CDH18: variants seen among roughly 807,000 people sequenced by gnomAD.
CDH18 encodes the protein cadherin-18.
In CDH18, 31 loss-of-function variants were observed where a neutral mutation model predicts 67.9. The observed-to-expected ratio is 0.46, with a 90% CI of 0.34 to 0.62. The LOEUF (loss-of-function observed/expected upper bound fraction) is 0.62. Ranked by LOEUF, CDH18 falls within the 20% of genes least tolerant of loss-of-function variation. The pLI is 0.01. For synonymous variants in CDH18, 362 were observed against 347.2 expected, an observed-to-expected ratio of 1.04 and a Z score of -0.48; for missense variants, 890 against 975.5, an observed-to-expected ratio of 0.91 and a Z score of 1.17.
chr5:20,301,977 T>C (rs1453280639), intron 1 of CDH18, among the ~76,000 whole-genome samples: 1 of 152,120 alleles, frequency 6.6e-6, no homozygotes, highest in Non-Finnish European at 1.5e-5. Flanking sequence ...ATAATGAAGA[T>C]GGCATAACAA....
intron 3 of CDH18, among the ~76,000 whole-genome samples, chr5:19,831,297 C>T (rs1051304474): frequency 5.9e-5 from 9 of 151,954 alleles, no homozygotes; most frequent in Non-Finnish European, 1.3e-4. Flanking sequence ...AGAGCTTCTG[C>T]ACAACAAAAG....
intron 1 of CDH18, among the ~76,000 whole-genome samples, chr5:20,256,913 A>C (rs889134516): frequency 2.1e-5 from 3 of 141,378 alleles, no homozygotes; most frequent in African/African-American, 8.7e-5. Context: ...GAGAAAAACG[A>C]GATTTGTAGT....
chr5:19,658,241 T>G (rs570767877), intron 5 of CDH18, among the ~76,000 whole-genome samples: 1 of 152,134 alleles, frequency 6.6e-6, no homozygotes, highest in Non-Finnish European at 1.5e-5. Context: ...AAGACAATGA[T>G]CTTTCCTTCA....
chr5:19,663,731 TG>T (rs781696634), intron 5 of CDH18, among the ~76,000 whole-genome samples: 72 of 151,968 alleles, frequency 4.7e-4, no homozygotes, highest in Non-Finnish European at 9.6e-4. Context: ...TCAACTTATT[TG>T]ACTAGTGTAC....
At chr5:20,392,469 A>G (rs1744942666) in intron 1 of CDH18, among the ~76,000 whole-genome samples, 1 of 151,872 alleles carries the variant, frequency 6.6e-6, no homozygotes, top group African/African-American at 2.4e-5. Flanking sequence ...CATGCTTGAG[A>G]ACTCAATTCA....
intron 5 of CDH18, among the ~76,000 whole-genome samples, chr5:19,717,861 G>A (rs897371987): frequency 4.0e-5 from 6 of 151,714 alleles, no homozygotes; most frequent in African/African-American, 1.2e-4. Context: ...TTTTATCATC[G>A]TAGGCCCCTG....
chr5:20,422,828 C>T (rs1047955290), intron 1 of CDH18, among the ~76,000 whole-genome samples: 1 of 151,016 alleles, frequency 6.6e-6, no homozygotes, highest in African/African-American at 2.5e-5. Context: ...ATTCACACCA[C>T]GGAGCACTTA....
At chr5:20,334,750 T>TCACACACA (rs1395879379) in intron 1 of CDH18, among the ~76,000 whole-genome samples, 9 of 99,358 alleles carry the variant, frequency 9.1e-5, no homozygotes, top group African/African-American at 3.9e-4. Context: ...TCTCTCTCTC[T>TCACACACA]CATACACACA....
intron 4 of CDH18, 114 bp downstream of exon 4, chr5:19,746,828 C>G (rs1770058595): frequency 1.2e-6 from 1 of 820,122 alleles, no homozygotes; most frequent in Non-Finnish European, 1.9e-6. Flanking sequence ...TTTGAAACTT[C>G]ATATTTATAT....
intron 1 of CDH18, among the ~76,000 whole-genome samples, chr5:20,452,483 A>T (rs2150208954): frequency 6.6e-6 from 1 of 152,260 alleles, no homozygotes. Flanking sequence ...TGAGACCATT[A>T]TCCTAAACAA....
At chr5:19,700,302 G>A (rs187729056) in intron 5 of CDH18, among the ~76,000 whole-genome samples, 161 of 152,118 alleles carry the variant, frequency 1.1e-3, no homozygotes, top group African/African-American at 3.3e-3. Context: ...CTGAAATACC[G>A]TATCTAGACA....
chr5:19,745,358 G>C (rs934394838), intron 4 of CDH18, among the ~76,000 whole-genome samples: 2 of 152,128 alleles, frequency 1.3e-5, no homozygotes, highest in African/African-American at 4.8e-5. Flanking sequence ...TGTCTTCCTG[G>C]GTAATGCCTG....
intron 2 of CDH18, among the ~76,000 whole-genome samples, chr5:20,100,390 C>T (rs1320714341): frequency 6.6e-6 from 1 of 152,094 alleles, no homozygotes; most frequent in Non-Finnish European, 1.5e-5. Flanking sequence ...CATAAAACCC[C>T]TAAATCAATT....
intron 1 of CDH18, among the ~76,000 whole-genome samples, chr5:20,320,467 A>C (rs539916451): frequency 2.6e-5 from 4 of 152,266 alleles, no homozygotes; most frequent in African/African-American, 4.8e-5. Context: ...TCTTTCCCTA[A>C]CTCAACCTAA....
intron 2 of CDH18, among the ~76,000 whole-genome samples, chr5:20,184,702 T>C (rs1737955898): frequency 3.9e-5 from 6 of 152,134 alleles, no homozygotes; most frequent in Admixed American, 3.9e-4. Context: ...ATTTTACATT[T>C]TTCCTTTCCC....
chr5:19,783,038 G>A (rs1421036676), intron 3 of CDH18, among the ~76,000 whole-genome samples: 1 of 152,128 alleles, frequency 6.6e-6, no homozygotes, highest in African/African-American at 2.4e-5. Context: ...TATGACATCT[G>A]TTTCACAGAT....
intron 3 of CDH18, 47 bp downstream of exon 3, chr5:19,838,712 C>T (rs779949619): frequency 4.5e-6 from 6 of 1,319,734 alleles, no homozygotes; most frequent in Non-Finnish European, 6.5e-6. Context: ...CATCTTACCC[C>T]ACAATTTCTC....
chr5:19,825,940 A>C (rs992298670), intron 3 of CDH18, among the ~76,000 whole-genome samples: 2 of 152,212 alleles, frequency 1.3e-5, no homozygotes, highest in African/African-American at 4.8e-5. Flanking sequence ...GAAGATCATC[A>C]ATGTTCAGGA....
At chr5:20,041,293 T>A (rs1740402617) in intron 2 of CDH18, among the ~76,000 whole-genome samples, 3 of 152,206 alleles carry the variant, frequency 2.0e-5, no homozygotes, top group Non-Finnish European at 4.4e-5. Flanking sequence ...TTAAATTCAG[T>A]GTAGCTTAGT....
Sources: gnomAD v4.1 joint callset for allele counts (sites outside exome capture counted in the v4.1 genomes callset) on GRCh38, gnomAD v4.1.1 for gene constraint, MANE v1.5 for transcripts, NCBI Gene and HGNC (gene_info 2026-07-23, HGNC 2026-07-21) for gene names.